ADAM32: variants seen among roughly 807,000 people sequenced by gnomAD.
ADAM32 encodes disintegrin and metalloproteinase domain-containing protein 32.
In ADAM32, 89 loss-of-function variants were observed where a neutral mutation model predicts 114.9. The observed-to-expected ratio is 0.77, with a 90% confidence interval of 0.65 to 0.92. ADAM32 has a LOEUF of 0.92. Among genes scored for constraint, ADAM32 ranks in the 40% least tolerant of loss-of-function variants. The pLI is 0.00. For synonymous variants in ADAM32, 285 were observed against 307.5 expected (o/e 0.93, Z 0.77); for missense variants, 870 against 932.8 (o/e 0.93, Z 0.88).
intron 12 of ADAM32, among the ~76,000 whole-genome samples, chr8:39,217,662 C>T (rs1808674688): frequency 6.6e-6 from 1 of 152,148 alleles, no homozygotes; most frequent in East Asian, 1.9e-4. Flanking sequence ...CTGATGCATT[C>T]TTCAGTAGGT....
chr8:39,251,380 A>C (rs984198395), intron 17 of ADAM32, among the ~76,000 whole-genome samples: 3 of 81,070 alleles, frequency 3.7e-5, no homozygotes, highest in Admixed American at 1.2e-4. Flanking sequence ...TTTTGTTACA[A>C]AAAAAAAATG....
At chr8:39,227,431 G>A (rs1809454296) in intron 14 of ADAM32, among the ~76,000 whole-genome samples, 1 of 152,176 alleles carries the variant, frequency 6.6e-6, no homozygotes, top group Admixed American at 6.5e-5. Context: ...AGGACGGCCA[G>A]AGGAGCATGG....
chr8:39,133,263 T>C (rs1802575067), intron 2 of ADAM32, among the ~76,000 whole-genome samples: 1 of 152,226 alleles, frequency 6.6e-6, no homozygotes, highest in African/African-American at 2.4e-5. Context: ...TCTCTCACCA[T>C]GTGATCTGCT....
At chr8:39,148,284 A>C (rs1803626618) in intron 4 of ADAM32, among the ~76,000 whole-genome samples, 1 of 152,104 alleles carries the variant, frequency 6.6e-6, no homozygotes, top group South Asian at 2.1e-4. Context: ...TTGTTCTTCA[A>C]ATATAATAGC....
At position 39,157,916 on chromosome 8, in the gene ADAM32, G is replaced by A. The variant is rs1804238678; in HGVS notation, c.526-2981G>A. 7.3e-6 allele frequency: 3 copies of A among 411,722 alleles called. No homozygotes were observed. The South Asian group carries it at 7.4e-5, about 10-fold the overall frequency. The allele number at this position is 411,722 out of a possible 1,614,324, so 25.5% of individuals were successfully genotyped here. A position where few individuals can be genotyped will look rare whatever the true frequency, so the allele number is the denominator to read the frequency against. On this transcript the variant is annotated intron_variant, in intron 6 of 24. Transcript: ENST00000379907. Reference sequence around the variant, plus strand: ...TGATCTCAGTGCAGTGATAGTTTGTGTCTAGTACGTGCCACAGAGAAGGTC... The same window carrying A: ...TGATCTCAGTGCAGTGATAGTTTGTATCTAGTACGTGCCACAGAGAAGGTC...
intron 11 of ADAM32, among the ~76,000 whole-genome samples, chr8:39,191,074 A>G (rs1382922811): frequency 2.6e-5 from 4 of 152,176 alleles, no homozygotes; most frequent in Non-Finnish European, 5.9e-5. Context: ...GTCCTGCAAA[A>G]AACATGATCT....
intron 11 of ADAM32, among the ~76,000 whole-genome samples, chr8:39,210,798 T>C (rs1259724410): frequency 6.6e-6 from 1 of 152,180 alleles, no homozygotes; most frequent in Non-Finnish European, 1.5e-5. Context: ...TAAAATTTTG[T>C]GGTTAATTGG....
At chr8:39,251,677 C>T (rs1456736401) in intron 17 of ADAM32, among the ~76,000 whole-genome samples, 3 of 151,768 alleles carry the variant, frequency 2.0e-5, no homozygotes, top group African/African-American at 7.2e-5. Flanking sequence ...TGTCTCTTCA[C>T]TTTGTTGATT....
chr8:39,207,055 T>G (rs914024108), intron 11 of ADAM32, among the ~76,000 whole-genome samples: 1 of 152,174 alleles, frequency 6.6e-6, no homozygotes, highest in African/African-American at 2.4e-5. Flanking sequence ...GGACTGTAGC[T>G]GTCCACAATA....
chr8:39,178,509 A>G (rs1375500587), intron 10 of ADAM32, among the ~76,000 whole-genome samples: 1 of 152,152 alleles, frequency 6.6e-6, no homozygotes, highest in Non-Finnish European at 1.5e-5. Context: ...TCTGAAGACT[A>G]CTTCTGTCAT....
chr8:39,199,163 G>A (rs915683188), intron 11 of ADAM32, among the ~76,000 whole-genome samples: 1 of 152,088 alleles, frequency 6.6e-6, no homozygotes, highest in African/African-American at 2.4e-5. Flanking sequence ...TTGAATTTTG[G>A]TAGTTTGACT....
At chr8:39,275,894 A>G (rs1278053225) in intron 22 of ADAM32, 28 bp downstream of exon 22, 6 of 1,524,930 alleles carry the variant, frequency 3.9e-6, no homozygotes, top group Non-Finnish European at 5.3e-6. Flanking sequence ...CATTTTTTTT[A>G]TATAATAAGT....
intron 11 of ADAM32, among the ~76,000 whole-genome samples, chr8:39,190,240 G>T (rs1211441041): frequency 6.6e-6 from 1 of 152,012 alleles, no homozygotes; most frequent in Non-Finnish European, 1.5e-5. Context: ...CTTTTCTATG[G>T]CTGAATAGTA....
chr8:39,243,249 A>G lies in ADAM32; in HGVS notation c.1819-2834A>G, dbSNP rs75384002. Among the ~76,000 whole-genome samples the G allele has an allele frequency of 7.7e-4, 117 of 152,294 alleles. No individual in the cohort carries two copies. In the East Asian group the frequency reaches 0.022, roughly 28 times the overall value. ...AATCCTACTGAAAATATTTCAAAAG[A>G]TAGAGAAAGAGGGAATTTTTCCTAA... is the stretch of plus-strand genomic sequence containing the variant. On this transcript the variant is annotated intron_variant, in intron 16 of 24. Transcript: ENST00000379907.
intron 2 of ADAM32, among the ~76,000 whole-genome samples, chr8:39,128,149 A>G (rs1271506075): frequency 6.6e-6 from 1 of 152,066 alleles, no homozygotes; most frequent in Non-Finnish European, 1.5e-5. Context: ...ATTTTGTGGG[A>G]GTCTAAGGCT....
At chr8:39,273,630 A>G (rs28715007) in intron 20 of ADAM32, among the ~76,000 whole-genome samples, 12,017 of 152,248 alleles carry the variant, frequency 0.079, 1,650 homozygotes, top group African/African-American at 0.27. Flanking sequence ...ACATAATTGT[A>G]TGTGATGTAC....
Position 39,270,920 on chromosome 8 carries a change from T to C in ADAM32, c.2201+6T>C. The C allele has an allele frequency of 1.2e-6, 2 of 1,606,650 alleles. No individual in the cohort carries two copies. Among genetic ancestry groups the C allele is most frequent in the African/African-American group, 1.3e-5 (1 of 74,772 alleles). On this transcript the variant is annotated splice_donor_region_variant and intron_variant, in intron 20 of 24. Coordinates refer to ENST00000379907, the MANE Select transcript of ADAM32 (RefSeq NM_145004.7). Reference sequence around the variant, plus strand: ...ACACAGACATATGCCAGCCAGTAAGTAGTTTAGAAGGTGTTTTTAAGATAC... The same window carrying C: ...ACACAGACATATGCCAGCCAGTAAGCAGTTTAGAAGGTGTTTTTAAGATAC...
intron 12 of ADAM32, among the ~76,000 whole-genome samples, chr8:39,219,446 T>C (rs888693758): frequency 1.3e-5 from 2 of 152,158 alleles, no homozygotes; most frequent in African/African-American, 4.8e-5. Context: ...ATCAGAAGGA[T>C]GATTCCCCTC....
intron 14 of ADAM32, 29 bp downstream of exon 14, chr8:39,223,267 C>G: frequency 1.4e-6 from 2 of 1,435,484 alleles, no homozygotes; most frequent in Non-Finnish European, 1.9e-6. Context: ...ATCTCAATAG[C>G]CCTTAACATT....
Sources: gnomAD v4.1 joint callset for allele counts (sites outside exome capture counted in the v4.1 genomes callset) on GRCh38, gnomAD v4.1.1 for gene constraint, MANE v1.5 for transcripts, NCBI Gene and HGNC (gene_info 2026-07-23, HGNC 2026-07-21) for gene names.